The following RANBP2 variants were observed in gnomAD, a reference collection of about 807,000 sequenced individuals.
RANBP2 encodes E3 SUMO-protein ligase RanBP2.
A neutral mutation model predicts 303.6 loss-of-function variants in RANBP2; 57 were observed. The ratio of observed to expected loss-of-function variants is 0.19; its 90% CI spans 0.15 to 0.23. The LOEUF is 0.23. Among genes scored for constraint, RANBP2 ranks in the 10% least tolerant of loss-of-function variants. The probability of loss-of-function intolerance (pLI) is 1.00; values close to 1 mark genes in which losing one functional copy is unlikely to be tolerated. For synonymous variants in RANBP2, 1,167 were observed against 1,301.5 expected (o/e 0.90, Z 2.23); for missense variants, 3,138 against 3,780.8 (o/e 0.83, Z 4.46).
chr2:109,508,640 A>C, the RANBP2 span, among the ~76,000 whole-genome samples: 4 of 152,144 alleles, frequency 2.6e-5, no homozygotes, highest in Admixed American at 6.5e-5. Context: ...AAAAAAAAAA[A>C]TGGAAGCAGA....
chr2:109,446,453 A>G, the RANBP2 span, among the ~76,000 whole-genome samples: 171 of 152,322 alleles, frequency 1.1e-3, no homozygotes, highest in African/African-American at 3.9e-3. Flanking sequence ...AAATTACACA[A>G]CTGTGAGGAG....
the RANBP2 span, among the ~76,000 whole-genome samples, chr2:108,940,035 C>T: frequency 8.0e-3 from 1,216 of 152,314 alleles, 10 homozygotes; most frequent in South Asian, 0.029. Context: ...TACTAGAATC[C>T]CAAGCTATGT....
the RANBP2 span, chr2:109,585,813 G>T: frequency 6.2e-7 from 1 of 1,613,396 alleles, no homozygotes; most frequent in South Asian, 1.1e-5. Context: ...GCCAGACATA[G>T]TCAACGAACG....
chr2:108,791,773 CCAAG>C, the RANBP2 span: 1 of 1,596,042 alleles, frequency 6.3e-7, no homozygotes, highest in Non-Finnish European at 8.6e-7. Flanking sequence ...TCGAAAATAA[CCAAG>C]CAGTCTTTTA....
chr2:109,157,848 A>T, the RANBP2 span, among the ~76,000 whole-genome samples: 1 of 152,146 alleles, frequency 6.6e-6, no homozygotes, highest in African/African-American at 2.4e-5. Flanking sequence ...AAGCATGTCC[A>T]GGATTAAGGC....
the RANBP2 span, among the ~76,000 whole-genome samples, chr2:108,868,393 A>G: frequency 2.0e-5 from 3 of 152,228 alleles, no homozygotes; most frequent in Non-Finnish European, 4.4e-5. Context: ...CTTATTAACT[A>G]TAAATTTATG....
chr2:108,995,247 A>G, the RANBP2 span, among the ~76,000 whole-genome samples: 3 of 152,112 alleles, frequency 2.0e-5, no homozygotes, highest in African/African-American at 7.2e-5. Context: ...TGCAGCCTCA[A>G]ACTCCTATGC....
At chr2:109,124,018 TTATTA>T in the RANBP2 span, among the ~76,000 whole-genome samples, 1 of 134,414 alleles carries the variant, frequency 7.4e-6, no homozygotes, top group Admixed American at 7.5e-5. Flanking sequence ...ATTTATTTAT[TTATTA>T]TTTTTTTGAC....
the RANBP2 span, among the ~76,000 whole-genome samples, chr2:109,136,742 A>C: frequency 6.6e-6 from 1 of 152,254 alleles, no homozygotes; most frequent in Admixed American, 6.5e-5. Context: ...TAATGTGTGC[A>C]TAAGGCTCAC....
chr2:109,313,244 A>G, the RANBP2 span, among the ~76,000 whole-genome samples: 4 of 152,184 alleles, frequency 2.6e-5, no homozygotes, highest in Non-Finnish European at 5.9e-5. Context: ...TGATATCAGG[A>G]TCCCTATTCC....
chr2:109,614,312 C>T, the RANBP2 span: 21 of 600,874 alleles, frequency 3.5e-5, no homozygotes, highest in East Asian at 2.1e-4. Flanking sequence ...GTGCGGGGGG[C>T]GTGTCCGCCC....
chr2:109,409,942 A>G, the RANBP2 span, among the ~76,000 whole-genome samples: 1 of 152,144 alleles, frequency 6.6e-6, no homozygotes, highest in Non-Finnish European at 1.5e-5. Context: ...AAACATTTAA[A>G]TGAGGAGATG....
chr2:109,626,992 T>C, the RANBP2 span, among the ~76,000 whole-genome samples: 11 of 151,924 alleles, frequency 7.2e-5, no homozygotes, highest in South Asian at 4.2e-4. Context: ...CAAGGAGTAG[T>C]TGTGACTTAA....
At chr2:109,677,716 C>G in the RANBP2 span, among the ~76,000 whole-genome samples, 1 of 152,176 alleles carries the variant, frequency 6.6e-6, no homozygotes, top group Non-Finnish European at 1.5e-5. Context: ...CAGCTGTGCC[C>G]TCGTGAACCA....
the RANBP2 span, among the ~76,000 whole-genome samples, chr2:108,984,515 C>T: frequency 6.6e-6 from 1 of 152,168 alleles, no homozygotes; most frequent in African/African-American, 2.4e-5. Context: ...GCAGCATGGC[C>T]TTCCTGCTGG....
chr2:109,256,130 C>T, the RANBP2 span, among the ~76,000 whole-genome samples: 1,456 of 152,292 alleles, frequency 9.6e-3, 14 homozygotes, highest in Non-Finnish European at 0.015. Context: ...AGGCCAGGCC[C>T]GTGCTTCTGG....
At chr2:108,957,283 C>A in the RANBP2 span, among the ~76,000 whole-genome samples, 7 of 152,230 alleles carry the variant, frequency 4.6e-5, no homozygotes, top group African/African-American at 1.7e-4. Context: ...AGATGAAAGC[C>A]TGGAAACAGC....
chr2:109,025,763 ACT>A, the RANBP2 span, among the ~76,000 whole-genome samples: 1 of 151,024 alleles, frequency 6.6e-6, no homozygotes, highest in African/African-American at 2.4e-5. Flanking sequence ...ACGCCACTGC[ACT>A]CTAGCCTGGG....
At chr2:109,402,787 G>A in the RANBP2 span, among the ~76,000 whole-genome samples, 2 of 152,230 alleles carry the variant, frequency 1.3e-5, no homozygotes, top group Admixed American at 6.5e-5. Flanking sequence ...ATTACAGATC[G>A]TGGGTTGTGT....
Sources: gnomAD v4.1 joint callset for allele counts (sites outside exome capture counted in the v4.1 genomes callset) on GRCh38, gnomAD v4.1.1 for gene constraint, MANE v1.5 for transcripts, NCBI Gene and HGNC (gene_info 2026-07-23, HGNC 2026-07-21) for gene names.